The following FBXO16 variants were observed in gnomAD, a reference collection of about 807,000 sequenced individuals.
FBXO16 encodes the protein F-box only protein 16.
Under a neutral mutation model 41.0 loss-of-function variants are expected in FBXO16, and 31 were observed. That is an observed-to-expected ratio of 0.76 (90% CI 0.57 to 1.02). The LOEUF (loss-of-function observed/expected upper bound fraction) is 1.02, where lower values mean the gene tolerates loss of function less well. Ranked by LOEUF, FBXO16 falls within the 50% of genes least tolerant of loss-of-function variation. FBXO16 has a pLI of 0.00. For missense variants in FBXO16, 361 were observed against 346.2 expected (o/e 1.04, Z -0.34); for synonymous variants, 133 against 117.8 (o/e 1.13, Z -0.84).
Position 28,452,349 on chromosome 8 carries a change from CCT to C in FBXO16, c.633_634del (p.Lys214SerfsTer9), listed in dbSNP as rs1204143279. The stretch of plus-strand genomic sequence containing the variant: ...TCGCCAGGGTGGAAGTGCTTTCTCC[CCT>C]GAGTTATTCTTCTTTCTTAAAGAGG... On this transcript the variant is annotated frameshift_variant, in exon 6 of 9. Coordinates refer to ENST00000380254, the MANE Select transcript of FBXO16 (RefSeq NM_172366.4). LOFTEE classifies it high-confidence loss of function. The C allele has an allele frequency of 5.0e-6, 8 of 1,614,040 alleles. No individual in the cohort carries two copies. The East Asian group carries it at 6.7e-5, about 13-fold the overall frequency.
At position 28,452,378 on chromosome 8, in the gene FBXO16, A is replaced by G. The variant is rs753153262; in HGVS notation, c.606T>C (p.Ser202=). The change falls in exon 6 of 9, where the codon TCT becomes TCC. Residue 202 remains serine (S), a synonymous_variant. Coordinates refer to ENST00000380254, the MANE Select transcript of FBXO16 (RefSeq NM_172366.4). The stretch of plus-strand genomic sequence containing the variant: ...AGTTATTCTTCTTTCTTAAAGAGGA[A>G]GAGGACCGAAAAGCTGATAAAGGGG... ...KQSPLSAFRS[S]SSLRKKNNSG... 6.2e-6 allele frequency: 10 copies of G among 1,614,114 alleles called. No individual in the cohort carries two copies. The highest frequency in any genetic ancestry group is 8.5e-6 in the Non-Finnish European group (10 of 1,180,060).
At chr8:28,460,707 G>A (rs1210814283) in intron 4 of FBXO16, among the ~76,000 whole-genome samples, 1 of 151,940 alleles carries the variant, frequency 6.6e-6, no homozygotes, top group Non-Finnish European at 1.5e-5. Flanking sequence ...TTACAGGTGT[G>A]AGCCACCTCT....
chr8:28,482,721 C>A (rs1226264008), intron 2 of FBXO16, among the ~76,000 whole-genome samples: 1 of 150,350 alleles, frequency 6.7e-6, no homozygotes, highest in Non-Finnish European at 1.5e-5. Flanking sequence ...CAGGTACACA[C>A]CACCACGCCC....
intron 5 of FBXO16, among the ~76,000 whole-genome samples, chr8:28,453,785 C>G (rs77655306): frequency 6.6e-6 from 1 of 151,924 alleles, no homozygotes; most frequent in Non-Finnish European, 1.5e-5. Flanking sequence ...TATTTGTCTA[C>G]GTCCTGGGCT....
Position 28,446,176 on chromosome 8 carries a change from CTT to C in FBXO16, c.843+993_843+994del, listed in dbSNP as rs11421643. ...CAAAGTTACTTTAAATGCATTTTTC[CTT>C]TTTTTTTTTTTTTTTTTTTTTGAGA... On this transcript the variant is annotated intron_variant, in intron 7 of 8. Coordinates refer to ENST00000380254, the MANE Select transcript of FBXO16 (RefSeq NM_172366.4). 1.4e-4 allele frequency among the ~76,000 whole-genome samples: 12 copies of C among 83,070 alleles called. No individual in the cohort carries two copies. The East Asian group carries it at 2.5e-3, about 18-fold the overall frequency. 54.5% of individuals were successfully genotyped at this position (83,070 alleles called of 152,430 possible).
rs150987965 is a variant in FBXO16 at position 28,478,715 on chromosome 8, C to T, written c.99+4633G>A. 1.5e-3 allele frequency among the ~76,000 whole-genome samples: 231 copies of T among 150,904 alleles called. 1 individual carries two copies. The highest frequency in any genetic ancestry group is 5.5e-3 in the African/African-American group (227 of 40,996). On this transcript the variant is annotated intron_variant, in intron 2 of 8. Transcript: ENST00000380254. ...GTGGGTGCCTGCAATCCCAGCTACT[C>T]AGGAGGCTGAGGCAGGAGAATCGCT...
At chr8:28,454,650 C>G (rs1456767352) in intron 5 of FBXO16, among the ~76,000 whole-genome samples, 5 of 149,052 alleles carry the variant, frequency 3.4e-5, no homozygotes, top group African/African-American at 1.3e-4. Flanking sequence ...ATGGCGTGAG[C>G]CCGGGAGGCG....
At position 28,429,395 on chromosome 8, in the gene FBXO16, C is replaced by T. The variant is rs1172606587; in HGVS notation, c.852G>A (p.Arg284=). 1 of 1,613,932 alleles carries T rather than the reference C, an allele frequency of 6.2e-7. No homozygotes were observed. The highest frequency in any genetic ancestry group is 1.1e-5 in the South Asian group (1 of 91,076). The stretch of plus-strand genomic sequence containing the variant: ...AAACTCACAGTGGGAAGGGATTTCT[C>T]CTCGACATCTGGCCGCGAGCAGGAA... ...RLRKAQSMMS[R]RNPFPLCP is the part of the protein sequence containing the mutation. The change falls in exon 8 of 9, where the codon AGG becomes AGA. Residue 284 remains arginine (R), a synonymous_variant. Coordinates refer to ENST00000380254, the MANE Select transcript of FBXO16 (RefSeq NM_172366.4).
intron 4 of FBXO16, among the ~76,000 whole-genome samples, chr8:28,463,136 G>GTGTGTGTGTGTATGTT (rs1288076113): frequency 6.6e-6 from 1 of 151,798 alleles, no homozygotes; most frequent in Non-Finnish European, 1.5e-5. Context: ...TCTTAGTTTT[G>GTGTGTGTGTGTATGTT]TGTGTGTGTG....
intron 7 of FBXO16, among the ~76,000 whole-genome samples, chr8:28,433,138 A>G (rs1802636448): frequency 6.6e-6 from 1 of 152,080 alleles, no homozygotes; most frequent in African/African-American, 2.4e-5. Flanking sequence ...CCTATCCTCC[A>G]TCTGTCCCTA....
chr8:28,440,754 CTT>C (rs1249646037), intron 7 of FBXO16, among the ~76,000 whole-genome samples: 2 of 152,160 alleles, frequency 1.3e-5, no homozygotes, highest in East Asian at 3.8e-4. Flanking sequence ...CAATTAAAGA[CTT>C]TTGTTACTTG....
At chr8:28,441,291 G>C (rs1009516022) in intron 7 of FBXO16, among the ~76,000 whole-genome samples, 1 of 152,004 alleles carries the variant, frequency 6.6e-6, no homozygotes, top group Non-Finnish European at 1.5e-5. Flanking sequence ...CTAATCTCTA[G>C]ACCAGCAGGT....
intron 1 of FBXO16, among the ~76,000 whole-genome samples, chr8:28,484,795 G>A (rs1183505933): frequency 3.3e-5 from 5 of 151,954 alleles, no homozygotes; most frequent in Admixed American, 2.0e-4. Flanking sequence ...GGGTTTCACC[G>A]TGTTAGCCAG....
Position 28,432,128 on chromosome 8 carries a change from AGTGTGTGTGTGTGTGT to A in FBXO16, c.844-2741_844-2726del, listed in dbSNP as rs56917233. ...TATATATGTGAGAGGCTATGTATGG[AGTGTGTGTGTGTGTGT>A]GTGTGTGTGTGTGTGTGTGTGTGTG... On this transcript the variant is annotated intron_variant, in intron 7 of 8. Transcript: ENST00000380254. Among the ~76,000 whole-genome samples, 14 of 142,914 alleles carry A rather than the reference AGTGTGTGTGTGTGTGT, an allele frequency of 9.8e-5. No homozygotes were observed. The East Asian group carries it at 1.3e-3, about 13-fold the overall frequency. 93.8% of individuals were successfully genotyped at this position (142,914 alleles called of 152,430 possible). A position where few individuals can be genotyped will look rare whatever the true frequency, so the allele number is the denominator to read the frequency against.
chr8:28,482,556 T>TTTGTTGTTGTTGTTCTTA (rs1803531483), intron 2 of FBXO16, among the ~76,000 whole-genome samples: 1 of 151,972 alleles, frequency 6.6e-6, no homozygotes, highest in Non-Finnish European at 1.5e-5. Context: ...AATAAACGTC[T>TTTGTTGTTGTTGTTCTTA]TTGTTGTTGT....
At chr8:28,448,420 G>A (rs528927351) in intron 6 of FBXO16, among the ~76,000 whole-genome samples, 150 of 150,456 alleles carry the variant, frequency 1.0e-3, no homozygotes, top group South Asian at 3.0e-3. Flanking sequence ...GGAACCAAAA[G>A]TTAGATTTCT....
intron 7 of FBXO16, among the ~76,000 whole-genome samples, chr8:28,432,303 A>G (rs112474202): frequency 0.01 from 1,558 of 151,988 alleles, 20 homozygotes; most frequent in African/African-American, 0.034. Context: ...GTGAAACCCT[A>G]TCCCTACTAA....
intron 7 of FBXO16, among the ~76,000 whole-genome samples, chr8:28,441,904 A>ATGTG (rs1277525159): frequency 8.5e-5 from 10 of 117,652 alleles, no homozygotes; most frequent in African/African-American, 4.8e-4. Context: ...CACAGTGTAT[A>ATGTG]TATATATGTG....
intron 8 of FBXO16, 115 bp from the exon 9 acceptor site, chr8:28,428,851 G>A: frequency 8.3e-7 from 1 of 1,204,974 alleles, no homozygotes; most frequent in Non-Finnish European, 1.1e-6. Flanking sequence ...AGGGCTGGAT[G>A]GGATTTATTG....
Sources: allele counts gnomAD v4.1 joint callset (sites outside exome capture counted in the v4.1 genomes callset), GRCh38; gene constraint gnomAD v4.1.1; transcripts MANE v1.5; gene names NCBI Gene and HGNC (gene_info 2026-07-23, HGNC 2026-07-21).